The following GALR3 variants were observed in gnomAD, a reference collection of about 807,000 sequenced individuals.
GALR3 encodes the protein galanin receptor type 3.
Under a neutral mutation model 6.9 loss-of-function variants are expected in GALR3, and 5 were observed. That is an observed-to-expected ratio of 0.72 (90% CI 0.38 to 1.52). The LOEUF is 1.52. Among genes scored for constraint, GALR3 ranks in the 40% most tolerant of loss-of-function variants. GALR3 has a pLI of 0.03. For synonymous variants in GALR3, 308 were observed against 263.6 expected, an observed-to-expected ratio of 1.17 and a Z score of -1.63; for missense variants, 570 against 545.6, an observed-to-expected ratio of 1.04 and a Z score of -0.44.
In GALR3 at chr22:37,825,153, G is replaced by A; in HGVS notation, c.790G>A (p.Ala264Thr). The A allele has an allele frequency of 6.8e-7, 1 of 1,478,630 alleles. No homozygotes were observed. Among genetic ancestry groups the A allele is most frequent in the Non-Finnish European group, 9.0e-7 (1 of 1,109,442 alleles). 91.6% of individuals were successfully genotyped at this position (1,478,630 alleles called of 1,614,324 possible). The change falls in exon 2 of 2, where the codon GCC (alanine) becomes ACC (threonine). Residue 264 changes from alanine to threonine, a missense_variant. Transcript: ENST00000249041. ...CCTGTGCTTCTGGTACGGCCGCTTC[G>A]CCTTCAGCCCGGCCACCTACGCCTG... The part of the protein sequence containing the change: ...LILCFWYGRF[A>T]FSPATYACRL...
At position 37,825,423 on chromosome 22, in the gene GALR3, A is replaced by G. The variant is rs1365549481; in HGVS notation, c.1060A>G (p.Arg354Gly). ...TGGTGGCGGCCAGGGCCCGGAGCCC[A>G]GGGAGGGACCCGTCCACGGCGGAGA... ...LAGGGQGPEP[R>G]EGPVHGGEAA... is the part of the protein sequence containing the mutation. The change falls in exon 2 of 2, where the codon AGG becomes GGG. Residue 354 changes from arginine (R) to glycine (G), a missense_variant. Physicochemically the swap from Arg to Gly is moderately radical, Grantham distance 125 (BLOSUM62 -2). Transcript: ENST00000249041. 7.2e-7 allele frequency: 1 copy of G among 1,397,070 alleles called. No individual in the cohort carries two copies. The highest frequency in any genetic ancestry group is 9.3e-7 in the Non-Finnish European group (1 of 1,072,446). The allele number at this position is 1,397,070 out of a possible 1,614,324, so 86.5% of individuals were successfully genotyped here.
chr22:37,825,055 G>A lies in GALR3; in HGVS notation c.692G>A (p.Gly231Asp). ...AAAEARRRATGRAGRAMLAVA... is the reference protein window; with the variant it reads ...AAAEARRRATDRAGRAMLAVA... ...GCCGAGGCGCGGCGGAGGGCGACGGGCCGCGCGGGGCGCGCCATGCTGGCG... is the reference window on the plus strand; with the variant it reads ...GCCGAGGCGCGGCGGAGGGCGACGGACCGCGCGGGGCGCGCCATGCTGGCG... Residue 231 changes from glycine to aspartate, a missense_variant, in exon 2 of 2, where the codon GGC becomes GAC. Physicochemically the swap from Gly to Asp is moderately conservative, Grantham distance 94. Transcript: ENST00000249041. 1 of 1,135,080 alleles carries A rather than the reference G, an allele frequency of 8.8e-7. No homozygotes were observed. Among genetic ancestry groups the A allele is most frequent in the Non-Finnish European group, 1.1e-6 (1 of 925,798 alleles). The allele number at this position is 1,135,080 out of a possible 1,614,324, so 70.3% of individuals were successfully genotyped here.
Position 37,825,433 on chromosome 22 carries a change from C to A in GALR3, c.1070C>A (p.Pro357His). The A allele has an allele frequency of 7.2e-7, 1 of 1,390,268 alleles. No homozygotes were observed. The highest frequency in any genetic ancestry group is 9.4e-7 in the Non-Finnish European group (1 of 1,069,424). 86.1% of individuals were successfully genotyped at this position (1,390,268 alleles called of 1,614,324 possible). ...CAGGGCCCGGAGCCCAGGGAGGGAC[C>A]CGTCCACGGCGGAGAGGCTGCCCGA... is the stretch of plus-strand genomic sequence containing the variant. ...GGQGPEPREGPVHGGEAARGP... is the reference protein window; with the variant it reads ...GGQGPEPREGHVHGGEAARGP... The change falls in exon 2 of 2, where the codon CCC becomes CAC. Residue 357 changes from proline to histidine, a missense_variant. By Grantham distance (77) the Pro-to-His change is moderately conservative (BLOSUM62 -2). Coordinates refer to ENST00000249041, the MANE Select transcript of GALR3 (RefSeq NM_003614.2).
intron 1 of GALR3, among the ~76,000 whole-genome samples, chr22:37,824,236 A>AT (rs1184367794): frequency 6.6e-6 from 1 of 151,530 alleles, no homozygotes; most frequent in Non-Finnish European, 1.5e-5. Flanking sequence ...CACCTGGCTA[A>AT]TTTTTTGTAT....
chr22:37,824,570 C>T (rs1207838062), intron 1 of GALR3, among the ~76,000 whole-genome samples, 153 bp from the exon 2 acceptor site: 1 of 152,026 alleles, frequency 6.6e-6, no homozygotes, highest in Non-Finnish European at 1.5e-5. Context: ...GGTGCAAGGG[C>T]CTAAGCACCT....
In GALR3 at chr22:37,824,892, G is replaced by C. The variant is rs749356624; in HGVS notation, c.529G>C (p.Glu177Gln). 1.2e-5 allele frequency: 17 copies of C among 1,378,720 alleles called. No homozygotes were observed. Among genetic ancestry groups the C allele is most frequent in the Non-Finnish European group, 1.5e-5 (16 of 1,062,086 alleles). The allele number at this position is 1,378,720 out of a possible 1,614,324, so 85.4% of individuals were successfully genotyped here. The change falls in exon 2 of 2, where the codon GAG (glutamate) becomes CAG (glutamine). Residue 177 changes from glutamate to glutamine, a missense_variant. Glu to Gln is a conservative substitution (Grantham distance 29). Coordinates refer to ENST00000249041, the MANE Select transcript of GALR3 (RefSeq NM_003614.2). The part of the protein sequence containing the change: ...GALELCVPAW[E>Q]DARRRALDVA... ...GCTGGAGCTCTGCGTGCCCGCCTGG[G>C]AGGACGCGCGCCGCCGCGCCCTGGA...
At position 37,823,567 on chromosome 22, in the gene GALR3, G is replaced by A. The variant is rs918036876; in HGVS notation, c.161G>A (p.Gly54Asp). ...QPGPSAWQEP[G>D]STTDLFILNL... The stretch of plus-strand genomic sequence containing the variant: ...GGCCCGAGTGCCTGGCAGGAGCCTG[G>A]CAGCACCACGGACCTGTTCATCCTC... Residue 54 changes from glycine (G) to aspartate (D), a missense_variant, in exon 1 of 2, where the codon GGC (glycine) becomes GAC (aspartate). Physicochemically the swap from Gly to Asp is moderately conservative, Grantham distance 94 (BLOSUM62 -1). Transcript: ENST00000249041. 30 of 1,410,014 alleles carry A rather than the reference G, an allele frequency of 2.1e-5. No homozygotes were observed. Among genetic ancestry groups the A allele is most frequent in the Non-Finnish European group, 2.6e-5 (27 of 1,036,016 alleles). The allele number at this position is 1,410,014 out of a possible 1,614,324, so 87.3% of individuals were successfully genotyped here.
intron 1 of GALR3, 113 bp from the exon 2 acceptor site, chr22:37,824,610 G>C: frequency 7.5e-6 from 4 of 533,890 alleles, no homozygotes; most frequent in Non-Finnish European, 1.1e-5. Flanking sequence ...TCCCCGCCAC[G>C]TCCCCCACGG....
In GALR3 at chr22:37,823,697, C is replaced by T. The variant is rs1027468520; in HGVS notation, c.291C>T (p.Ala97=). The change falls in exon 1 of 2, where the codon GCC becomes GCT. Residue 97 remains alanine, a synonymous_variant. Coordinates refer to ENST00000249041, the MANE Select transcript of GALR3 (RefSeq NM_003614.2). The part of the protein sequence containing the change: ...AWLFGALVCK[A]VHLLIYLTMY... Reference sequence around the variant, plus strand: ...TCTTTGGGGCCCTCGTCTGCAAGGCCGTGCACCTGCTCATCTACCTCACCA... The same window carrying T: ...TCTTTGGGGCCCTCGTCTGCAAGGCTGTGCACCTGCTCATCTACCTCACCA... The T allele has an allele frequency of 6.2e-6, 10 of 1,613,600 alleles. No individual in the cohort carries two copies. The highest frequency in any genetic ancestry group is 1.1e-5 in the South Asian group (1 of 91,076).
chr22:37,823,487 C>T lies in GALR3; in HGVS notation c.81C>T (p.Ile27=), dbSNP rs202061228. 1.8e-5 allele frequency: 29 copies of T among 1,613,580 alleles called. No individual in the cohort carries two copies. The East Asian group carries it at 6.5e-4, about 36-fold the overall frequency. The stretch of plus-strand genomic sequence containing the variant: ...CAGTGCCTGTGGTCTTTGCCCTAAT[C>T]TTCCTGCTGGGCACAGTGGGCAATG... ...AVAVPVVFAL[I]FLLGTVGNGL... Residue 27 remains isoleucine (I), a synonymous_variant, in exon 1 of 2, where the codon ATC becomes ATT. Coordinates refer to ENST00000249041, the MANE Select transcript of GALR3 (RefSeq NM_003614.2).
rs759858714 is a variant in GALR3 at position 37,825,214 on chromosome 22, C to T, written c.851C>T (p.Ser284Phe). 1.8e-5 allele frequency: 26 copies of T among 1,473,118 alleles called. No homozygotes were observed. The highest frequency in any genetic ancestry group is 2.3e-5 in the Non-Finnish European group (26 of 1,106,538). The allele number at this position is 1,473,118 out of a possible 1,614,324, so 91.3% of individuals were successfully genotyped here. The change falls in exon 2 of 2, where the codon TCC (serine) becomes TTC (phenylalanine). Residue 284 changes from serine to phenylalanine, a missense_variant. Ser to Phe is a radical substitution (Grantham distance 155, BLOSUM62 -2). Coordinates refer to ENST00000249041, the MANE Select transcript of GALR3 (RefSeq NM_003614.2). ...LASHCLAYAN[S>F]CLNPLVYALA... ...TCACACTGCCTGGCCTACGCCAACT[C>T]CTGCCTCAACCCGCTCGTCTACGCG...
Position 37,824,844 on chromosome 22 carries a change from T to C in GALR3, c.481T>C (p.Tyr161His). ...CTTCTCGGCGCCCTACCTCAGCTAC[T>C]ACGGCACCGTGCGCTACGGCGCGCT... ...ALFSAPYLSYYGTVRYGALEL... is the reference protein window; with the variant it reads ...ALFSAPYLSYHGTVRYGALEL... The change falls in exon 2 of 2, where the codon TAC (tyrosine) becomes CAC (histidine). Residue 161 changes from tyrosine (Y) to histidine (H), a missense_variant. Tyr to His is a moderately conservative substitution (Grantham distance 83, BLOSUM62 2). Transcript: ENST00000249041. 2.1e-6 allele frequency: 3 copies of C among 1,419,096 alleles called. No individual in the cohort carries two copies. The highest frequency in any genetic ancestry group is 1.5e-5 in the South Asian group (1 of 68,120). 87.9% of individuals were successfully genotyped at this position (1,419,096 alleles called of 1,614,324 possible). A position where few individuals can be genotyped will look rare whatever the true frequency, so the allele number is the denominator to read the frequency against.
At chr22:37,825,475 T>TGCCGCCTGGAC in exon 2 of GALR3, 1 of 1,323,562 alleles carries the variant, frequency 7.6e-7, no homozygotes, top group Non-Finnish European at 9.7e-7. Flanking sequence ...GAATAAACCC[T>TGCCGCCTGGAC]GCCGCCTGGA....
At position 37,824,835 on chromosome 22, in the gene GALR3, C is replaced by T. The variant is rs1303579178; in HGVS notation, c.472C>T (p.Leu158Phe). ...LLAALFSAPYLSYYGTVRYGA... is the reference protein window; with the variant it reads ...LLAALFSAPYFSYYGTVRYGA... Reference sequence around the variant, plus strand: ...GGCGGCGCTCTTCTCGGCGCCCTACCTCAGCTACTACGGCACCGTGCGCTA... The same window carrying T: ...GGCGGCGCTCTTCTCGGCGCCCTACTTCAGCTACTACGGCACCGTGCGCTA... Residue 158 changes from leucine (L) to phenylalanine (F), a missense_variant, in exon 2 of 2, where the codon CTC (leucine) becomes TTC (phenylalanine). By Grantham distance (22) the Leu-to-Phe change is conservative. Coordinates refer to ENST00000249041, the MANE Select transcript of GALR3 (RefSeq NM_003614.2). 5 of 1,422,320 alleles carry T rather than the reference C, an allele frequency of 3.5e-6. No individual in the cohort carries two copies. Among genetic ancestry groups the T allele is most frequent in the African/African-American group, 2.9e-5 (2 of 68,066 alleles). The allele number at this position is 1,422,320 out of a possible 1,614,324, so 88.1% of individuals were successfully genotyped here. A position where few individuals can be genotyped will look rare whatever the true frequency, so the allele number is the denominator to read the frequency against.
rs1601710035 is a variant in GALR3, at chr22:37,825,028, CGGCCGAGGCGCGGCGGA to C, written c.668_684del (p.Ala223GlyfsTer112). 8.7e-7 allele frequency: 1 copy of C among 1,154,770 alleles called. No individual in the cohort carries two copies. Among genetic ancestry groups the C allele is most frequent in the Non-Finnish European group, 1.1e-6 (1 of 938,814 alleles). The allele number at this position is 1,154,770 out of a possible 1,614,324, so 71.5% of individuals were successfully genotyped here. On this transcript the variant is annotated frameshift_variant, in exon 2 of 2. Transcript: ENST00000249041. LOFTEE classifies it low-confidence loss of function (END_TRUNC). ...GCCGTGGGTCCCGCGGGCGCGGCGG[CGGCCGAGGCGCGGCGGA>C]GGGCGACGGGCCGCGCGGGGCGCGC... is the stretch of plus-strand genomic sequence containing the variant.
Position 37,825,213 on chromosome 22 carries a change from T to A in GALR3, c.850T>A (p.Ser284Thr), listed in dbSNP as rs1353700402. The A allele has an allele frequency of 1.4e-6, 2 of 1,476,162 alleles. No individual in the cohort carries two copies. The highest frequency in any genetic ancestry group is 2.5e-5 in the South Asian group (2 of 81,260). The allele number at this position is 1,476,162 out of a possible 1,614,324, so 91.4% of individuals were successfully genotyped here. A position where few individuals can be genotyped will look rare whatever the true frequency, so the allele number is the denominator to read the frequency against. ...LASHCLAYAN[S>T]CLNPLVYALA... The stretch of plus-strand genomic sequence containing the variant: ...CTCACACTGCCTGGCCTACGCCAAC[T>A]CCTGCCTCAACCCGCTCGTCTACGC... Residue 284 changes from serine to threonine, a missense_variant, in exon 2 of 2, where the codon TCC (serine) becomes ACC (threonine). Physicochemically the swap from Ser to Thr is moderately conservative, Grantham distance 58 (BLOSUM62 1). Coordinates refer to ENST00000249041, the MANE Select transcript of GALR3 (RefSeq NM_003614.2).
chr22:37,825,033 G>A lies in GALR3; in HGVS notation c.670G>A (p.Glu224Lys), dbSNP rs1922561983. 5.2e-6 allele frequency: 6 copies of A among 1,153,872 alleles called. No individual in the cohort carries two copies. Among genetic ancestry groups the A allele is most frequent in the South Asian group, 8.4e-5 (2 of 23,686 alleles). The allele number at this position is 1,153,872 out of a possible 1,614,324, so 71.5% of individuals were successfully genotyped here. A position where few individuals can be genotyped will look rare whatever the true frequency, so the allele number is the denominator to read the frequency against. Reference sequence around the variant, plus strand: ...GGGTCCCGCGGGCGCGGCGGCGGCCGAGGCGCGGCGGAGGGCGACGGGCCG... The same window carrying A: ...GGGTCCCGCGGGCGCGGCGGCGGCCAAGGCGCGGCGGAGGGCGACGGGCCG... ...AVGPAGAAAA[E>K]ARRRATGRAG... The change falls in exon 2 of 2, where the codon GAG (glutamate) becomes AAG (lysine). Residue 224 changes from glutamate to lysine, a missense_variant. Transcript: ENST00000249041.
intron 1 of GALR3, among the ~76,000 whole-genome samples, 187 bp downstream of exon 1, chr22:37,823,952 A>G (rs1480685939): frequency 1.3e-5 from 2 of 152,102 alleles, no homozygotes; most frequent in Non-Finnish European, 2.9e-5. Context: ...GGCGTGCTTG[A>G]GGGGACTGTC....
rs1922583798 is a variant in GALR3 at position 37,825,357 on chromosome 22, G to C, written c.994G>C (p.Gly332Arg). ...CCGCCCCGCGTCCTCGGGCCCACCC[G>C]GCTGCCCCGGAGACGCCCGGCCTAG... is the stretch of plus-strand genomic sequence containing the variant. Reference protein sequence around the residue: ...RVRPASSGPPGCPGDARPSGR... With the variant: ...RVRPASSGPPRCPGDARPSGR... Residue 332 changes from glycine to arginine, a missense_variant, in exon 2 of 2, where the codon GGC (glycine) becomes CGC (arginine). Transcript: ENST00000249041. 1 of 1,346,710 alleles carries C rather than the reference G, an allele frequency of 7.4e-7. No homozygotes were observed. Among genetic ancestry groups the C allele is most frequent in the African/African-American group, 1.5e-5 (1 of 66,210 alleles). The allele number at this position is 1,346,710 out of a possible 1,614,324, so 83.4% of individuals were successfully genotyped here.
Sources: allele counts gnomAD v4.1 joint callset (sites outside exome capture counted in the v4.1 genomes callset), GRCh38; gene constraint gnomAD v4.1.1; transcripts MANE v1.5; gene names NCBI Gene and HGNC (gene_info 2026-07-23, HGNC 2026-07-21).